APLF: variants seen among roughly 807,000 people sequenced by gnomAD.
APLF encodes the protein aprataxin and PNKP like factor.
In APLF, 61 loss-of-function variants were observed where a neutral mutation model predicts 55.6. The ratio of observed to expected loss-of-function variants is 1.10; its 90% confidence interval spans 0.89 to 1.36. APLF has a LOEUF of 1.36. APLF is among the 40% of genes most tolerant of loss of function. APLF has a pLI of 0.00. For synonymous variants in APLF, 207 were observed against 214.8 expected (o/e 0.96, Z 0.32); for missense variants, 611 against 602.5 (o/e 1.01, Z -0.15).
At position 68,503,967 on chromosome 2, in the gene APLF, A is replaced by G. The variant is rs140361223; in HGVS notation, c.341+1064A>G. Among the ~76,000 whole-genome samples, 334 of 152,174 alleles carry G rather than the reference A, an allele frequency of 2.2e-3. 1 individual carries two copies. The highest frequency in any genetic ancestry group is 7.5e-3 in the African/African-American group (312 of 41,584). On this transcript the variant is annotated intron_variant, in intron 3 of 9. Coordinates refer to ENST00000303795, the MANE Select transcript of APLF (RefSeq NM_173545.3). ...AGTAAGGCTTACTGAGAAAAAAGTGAGAAAACACAAATTATCAGTATCAAC... is the reference window on the plus strand; with the variant it reads ...AGTAAGGCTTACTGAGAAAAAAGTGGGAAAACACAAATTATCAGTATCAAC...
chr2:68,486,580 G>C (rs530148841), intron 1 of APLF, among the ~76,000 whole-genome samples: 14 of 152,168 alleles, frequency 9.2e-5, no homozygotes, highest in Admixed American at 7.9e-4. Context: ...TCCAGCATAG[G>C]TTCTGGGGCT....
chr2:68,504,529 T>C (rs1337948511), intron 3 of APLF, among the ~76,000 whole-genome samples: 5 of 151,950 alleles, frequency 3.3e-5, no homozygotes. Flanking sequence ...AACTATCATT[T>C]TAATAGATGC....
At chr2:68,550,640 T>C (rs1453768210) in intron 8 of APLF, among the ~76,000 whole-genome samples, 3 of 152,156 alleles carry the variant, frequency 2.0e-5, no homozygotes, top group East Asian at 1.9e-4. Context: ...TTTTGACTTA[T>C]TTTGGATTAA....
At chr2:68,476,172 C>T (rs1230188007) in intron 1 of APLF, among the ~76,000 whole-genome samples, 1 of 151,892 alleles carries the variant, frequency 6.6e-6, no homozygotes, top group Non-Finnish European at 1.5e-5. Flanking sequence ...GTATTATGCT[C>T]TTTCCCAATT....
intron 8 of APLF, among the ~76,000 whole-genome samples, chr2:68,553,744 A>G (rs1455654816): frequency 6.6e-6 from 1 of 152,132 alleles, no homozygotes; most frequent in Non-Finnish European, 1.5e-5. Flanking sequence ...TCCATGACAG[A>G]TGACATATTT....
chr2:68,522,053 T>C (rs1207781959), intron 5 of APLF, among the ~76,000 whole-genome samples: 2 of 151,892 alleles, frequency 1.3e-5, no homozygotes, highest in East Asian at 3.8e-4. Flanking sequence ...TTTTGGCTCT[T>C]CTGACCTATC....
intron 2 of APLF, among the ~76,000 whole-genome samples, chr2:68,500,394 T>A (rs2103928374): frequency 6.6e-6 from 1 of 151,652 alleles, no homozygotes; most frequent in South Asian, 2.1e-4. Flanking sequence ...ATTTAAATAT[T>A]AAGTGCTTTC....
chr2:68,469,547 C>G (rs980866756), intron 1 of APLF, among the ~76,000 whole-genome samples: 5 of 152,194 alleles, frequency 3.3e-5, no homozygotes, highest in African/African-American at 4.8e-5. Flanking sequence ...GGATGAGATT[C>G]TTTTGCCAAG....
intron 7 of APLF, among the ~76,000 whole-genome samples, chr2:68,543,517 A>G (rs536205829): frequency 1.2e-4 from 18 of 152,200 alleles, no homozygotes; most frequent in Admixed American, 3.9e-4. Context: ...GTGAAAATTA[A>G]TACAGTCATT....
chr2:68,578,229 C>T lies in APLF; in HGVS notation c.*207C>T. ...TTTTTGTTGCCTTGCCTTTTCTTTCCTACTTAAAGCATCTGGAAATAGGAA... is the reference window on the plus strand; with the variant it reads ...TTTTTGTTGCCTTGCCTTTTCTTTCTTACTTAAAGCATCTGGAAATAGGAA... On this transcript the variant is annotated 3_prime_UTR_variant, in exon 10 of 10. Coordinates refer to ENST00000303795, the MANE Select transcript of APLF (RefSeq NM_173545.3). 1 of 1,302,312 alleles carries T rather than the reference C, an allele frequency of 7.7e-7. No homozygotes were observed. Among genetic ancestry groups the T allele is most frequent in the Non-Finnish European group, 9.8e-7 (1 of 1,023,368 alleles). 80.7% of individuals were successfully genotyped at this position (1,302,312 alleles called of 1,614,324 possible).
chr2:68,498,454 T>A (rs1171671376), intron 2 of APLF, among the ~76,000 whole-genome samples: 1 of 152,248 alleles, frequency 6.6e-6, no homozygotes, highest in Admixed American at 6.5e-5. Flanking sequence ...GAGAGTTGAA[T>A]GCAATTAGGG....
intron 8 of APLF, among the ~76,000 whole-genome samples, chr2:68,554,371 T>A (rs556952954): frequency 4.8e-4 from 73 of 152,274 alleles, no homozygotes; most frequent in African/African-American, 1.7e-3. Context: ...TATACTTTTT[T>A]AAATCTAACA....
chr2:68,506,518 A>G (rs1676876458), intron 3 of APLF, among the ~76,000 whole-genome samples: 1 of 152,030 alleles, frequency 6.6e-6, no homozygotes, highest in South Asian at 2.1e-4. Context: ...CTGTTGTACA[A>G]GCTTTACATG....
chr2:68,490,164 A>C (rs765592724), intron 1 of APLF, 26 bp from the exon 2 acceptor site: 2 of 1,544,064 alleles, frequency 1.3e-6, no homozygotes, highest in Non-Finnish European at 8.7e-7. Context: ...GGCTATTCTT[A>C]ATCTTTTAAT....
At chr2:68,563,177 T>A in intron 8 of APLF, 1 of 985,282 alleles carries the variant, frequency 1.0e-6, no homozygotes, top group Non-Finnish European at 1.2e-6. Context: ...CCTGTCTTTT[T>A]ATGAAAAGAG....
At chr2:68,520,191 T>A (rs567466855) in intron 5 of APLF, among the ~76,000 whole-genome samples, 1 of 151,842 alleles carries the variant, frequency 6.6e-6, no homozygotes, top group East Asian at 1.9e-4. Flanking sequence ...CTGATTTGTT[T>A]TTTCTTGTAG....
intron 8 of APLF, among the ~76,000 whole-genome samples, chr2:68,550,944 G>A (rs1431571007): frequency 6.6e-6 from 1 of 151,862 alleles, no homozygotes; most frequent in African/African-American, 2.4e-5. Flanking sequence ...ATTATTTTGA[G>A]TGCCCTTTAT....
chr2:68,518,303 T>G (rs1258603625), intron 5 of APLF, among the ~76,000 whole-genome samples: 7 of 114,524 alleles, frequency 6.1e-5, no homozygotes, highest in South Asian at 2.5e-4. Context: ...ATTAATATAT[T>G]ATATATTATT....
In APLF at chr2:68,567,350, C is replaced by T. The variant is rs149518296; in HGVS notation, c.1296C>T (p.Pro432=). The change falls in exon 9 of 10, where the codon CCC becomes CCT. Residue 432 remains proline (P), a synonymous_variant. Coordinates refer to ENST00000303795, the MANE Select transcript of APLF (RefSeq NM_173545.3). The part of the protein sequence containing the change: ...PYGPSCYRKN[P]QHKIEYRHNT... ...TGCATTCTTCTTTCAGGAAGAATCCCCAGCACAAGATAGAATATAGACATA... is the reference window on the plus strand; with the variant it reads ...TGCATTCTTCTTTCAGGAAGAATCCTCAGCACAAGATAGAATATAGACATA... The T allele has an allele frequency of 7.1e-4, 1,145 of 1,605,464 alleles. 14 individuals carry two copies. The African/African-American group carries it at 0.014, about 20-fold the overall frequency.
Sources: gnomAD v4.1 joint callset for allele counts (sites outside exome capture counted in the v4.1 genomes callset) on GRCh38, gnomAD v4.1.1 for gene constraint, MANE v1.5 for transcripts, NCBI Gene and HGNC (gene_info 2026-07-23, HGNC 2026-07-21) for gene names.